EFCAB11: variants seen among roughly 807,000 people sequenced by gnomAD.
EFCAB11 encodes the protein EF-hand calcium-binding domain-containing protein 11.
In EFCAB11, 14 loss-of-function variants were observed where a neutral mutation model predicts 23.0. That is an observed-to-expected ratio of 0.61 (90% confidence interval 0.40 to 0.95). The LOEUF is 0.95. Ranked by LOEUF, EFCAB11 falls within the 40% of genes least tolerant of loss-of-function variation. EFCAB11 has a pLI of 0.00. For missense variants in EFCAB11, 198 were observed against 195.8 expected, an observed-to-expected ratio of 1.01 and a Z score of -0.07; for synonymous variants, 65 against 66.6, an observed-to-expected ratio of 0.98 and a Z score of 0.11.
chr14:89,906,001 A>C (rs1292945220), intron 5 of EFCAB11, among the ~76,000 whole-genome samples: 1 of 152,136 alleles, frequency 6.6e-6, no homozygotes. Flanking sequence ...AGGTGACAAC[A>C]AGCAATGTGA....
intron 5 of EFCAB11, chr14:89,924,297 C>A: frequency 9.7e-7 from 1 of 1,029,594 alleles, no homozygotes; most frequent in Non-Finnish European, 1.2e-6. Context: ...TAACTTTAAA[C>A]GTCTCCAGTC....
Position 89,886,537 on chromosome 14 carries a change from AAAAAAAAG to A in EFCAB11, c.410+44996_410+45003del, listed in dbSNP as rs1199685852. ...CGTCTCAAAAAAAAAAAAAAAAAAA[AAAAAAAAG>A]GAAAGTGATCTGCTTTACTCAAGAT... is the stretch of plus-strand genomic sequence containing the variant. On this transcript the variant is annotated intron_variant, in intron 5 of 5. Transcript: ENST00000316738. 3.2e-4 allele frequency among the ~76,000 whole-genome samples: 47 copies of A among 145,888 alleles called. 2 individuals carry two copies. Among genetic ancestry groups the A allele is most frequent in the African/African-American group, 1.1e-3 (43 of 38,332 alleles).
At chr14:89,913,063 T>C (rs1022145541) in intron 5 of EFCAB11, among the ~76,000 whole-genome samples, 2 of 152,188 alleles carry the variant, frequency 1.3e-5, no homozygotes, top group East Asian at 3.8e-4. Context: ...TATGATGCCA[T>C]TCATCTAGCA....
At chr14:89,941,198 C>G (rs1426310461) in intron 3 of EFCAB11, among the ~76,000 whole-genome samples, 2 of 152,192 alleles carry the variant, frequency 1.3e-5, no homozygotes, top group Non-Finnish European at 2.9e-5. Context: ...TGCATGGACC[C>G]TGACTGCAGC....
intron 5 of EFCAB11, chr14:89,848,762 A>G (rs1027446109): frequency 2.6e-5 from 4 of 152,188 alleles, no homozygotes; most frequent in Non-Finnish European, 5.9e-5. Flanking sequence ...CCCTGTTTCT[A>G]CTAAAATTAC....
At chr14:89,868,207 CA>C (rs748653157) in intron 5 of EFCAB11, among the ~76,000 whole-genome samples, 71 of 152,298 alleles carry the variant, frequency 4.7e-4, no homozygotes, top group Non-Finnish European at 7.8e-4. Flanking sequence ...TAACAGTGTG[CA>C]ATCTCATCAT....
intron 5 of EFCAB11, among the ~76,000 whole-genome samples, chr14:89,907,263 G>A (rs1167502269): frequency 5.9e-5 from 9 of 152,218 alleles, no homozygotes; most frequent in Admixed American, 5.9e-4. Context: ...AGGTTGAGAT[G>A]AGCAGGTGGA....
At chr14:89,947,912 C>T (rs1162107248) in intron 3 of EFCAB11, among the ~76,000 whole-genome samples, 1 of 152,138 alleles carries the variant, frequency 6.6e-6, no homozygotes, top group Non-Finnish European at 1.5e-5. Flanking sequence ...ACTGCTTTGA[C>T]ATAGTAAACT....
intron 5 of EFCAB11, chr14:89,923,550 G>T: frequency 2.2e-6 from 1 of 447,064 alleles, no homozygotes; most frequent in Non-Finnish European, 3.0e-6. Flanking sequence ...CTACTTCTTC[G>T]GTCATGCCAT....
chr14:89,849,920 T>A (rs1237649208), intron 5 of EFCAB11, among the ~76,000 whole-genome samples: 1 of 152,198 alleles, frequency 6.6e-6, no homozygotes. Flanking sequence ...TCTACCACCT[T>A]GAGAACTCTA....
intron 5 of EFCAB11, among the ~76,000 whole-genome samples, chr14:89,815,781 G>A (rs1251978934): frequency 6.6e-6 from 1 of 152,154 alleles, no homozygotes; most frequent in Non-Finnish European, 1.5e-5. Flanking sequence ...TTGGGCAATG[G>A]TGAGGAAATA....
chr14:89,836,563 T>C, intron 5 of EFCAB11: 1 of 456,600 alleles, frequency 2.2e-6, no homozygotes, highest in Non-Finnish European at 4.4e-6. Flanking sequence ...GGACCAGACG[T>C]CAGTACTCCC....
chr14:89,834,010 C>T (rs1243486601), intron 5 of EFCAB11, among the ~76,000 whole-genome samples: 1 of 152,036 alleles, frequency 6.6e-6, no homozygotes, highest in Non-Finnish European at 1.5e-5. Context: ...CAGTGGACTC[C>T]AGTTGCAATA....
At position 89,862,839 on chromosome 14, in the gene EFCAB11, T is replaced by C. The variant is rs1038200526; in HGVS notation, c.411-65515A>G. 3.9e-5 allele frequency among the ~76,000 whole-genome samples: 6 copies of C among 152,316 alleles called. 1 individual carries two copies. Among genetic ancestry groups the C allele is most frequent in the Admixed American group, 1.3e-4 (2 of 15,298 alleles). ...CCTCCTGGAGAAGGTAAGACAAAGT[T>C]AGCTCTGAGTTAGGTAAAACTAGCA... On this transcript the variant is annotated intron_variant, in intron 5 of 5. Transcript: ENST00000316738.
intron 5 of EFCAB11, among the ~76,000 whole-genome samples, chr14:89,806,117 C>T (rs1885960943): frequency 6.6e-6 from 1 of 152,066 alleles, no homozygotes; most frequent in Admixed American, 6.6e-5. Context: ...GGAATAAATT[C>T]TCCAGTCCAA....
rs578017734 is a variant in EFCAB11, at chr14:89,896,145, G to A, written c.410+35396C>T. Among the ~76,000 whole-genome samples, 313 of 152,278 alleles carry A rather than the reference G, an allele frequency of 2.1e-3. 1 individual carries two copies. The highest frequency in any genetic ancestry group is 7.3e-3 in the African/African-American group (305 of 41,562). ...TCACGCCTGTAATCCCAGCACTTTCGGAGGCCGAGGCGGGCGGACCACGAG... is the reference window on the plus strand; with the variant it reads ...TCACGCCTGTAATCCCAGCACTTTCAGAGGCCGAGGCGGGCGGACCACGAG... On this transcript the variant is annotated intron_variant, in intron 5 of 5. Coordinates refer to ENST00000316738, the MANE Select transcript of EFCAB11 (RefSeq NM_145231.4).
intron 5 of EFCAB11, among the ~76,000 whole-genome samples, chr14:89,809,459 T>C (rs1463167179): frequency 6.6e-6 from 1 of 152,186 alleles, no homozygotes; most frequent in African/African-American, 2.4e-5. Context: ...GGCCACATCA[T>C]TGATTACGGA....
intron 5 of EFCAB11, among the ~76,000 whole-genome samples, chr14:89,912,988 G>A (rs1269157248): frequency 6.6e-6 from 1 of 152,240 alleles, no homozygotes; most frequent in Non-Finnish European, 1.5e-5. Flanking sequence ...TGGAAAAGAA[G>A]CACAAAACAA....
At chr14:89,944,674 T>A (rs953757577) in intron 3 of EFCAB11, among the ~76,000 whole-genome samples, 20 of 152,112 alleles carry the variant, frequency 1.3e-4, no homozygotes, top group African/African-American at 4.3e-4. Context: ...TAATGGAACA[T>A]CAAACATTAT....
Sources: allele counts gnomAD v4.1 joint callset (sites outside exome capture counted in the v4.1 genomes callset), GRCh38; gene constraint gnomAD v4.1.1; transcripts MANE v1.5; gene names NCBI Gene and HGNC (gene_info 2026-07-23, HGNC 2026-07-21).